Variants in DNAH2 observed in about 807,000 individuals in gnomAD.
DNAH2 encodes the protein dynein axonemal heavy chain 2.
DNAH2 carries 323 observed loss-of-function variants against 523.5 expected under a neutral mutation model. That is an observed-to-expected ratio of 0.62 (90% CI 0.56 to 0.68). DNAH2 has a LOEUF of 0.68. DNAH2 is among the 30% of genes least tolerant of loss of function. The pLI is 0.00. For synonymous variants in DNAH2, 2,093 were observed against 2,177.4 expected (o/e 0.96, Z 1.08); for missense variants, 4,907 against 5,701.5 (o/e 0.86, Z 4.49).
At chr17:7,775,685 CAAAACCAAA>C (rs2076430173) in intron 30 of DNAH2, among the ~76,000 whole-genome samples, 1 of 71,850 alleles carries the variant, frequency 1.4e-5, no homozygotes. Flanking sequence ...AACTCCGTCT[CAAAACCAAA>C]AAAAAAAAAA....
chr17:7,727,936 G>A (rs2074874630), intron 4 of DNAH2, among the ~76,000 whole-genome samples: 1 of 151,960 alleles, frequency 6.6e-6, no homozygotes, highest in Non-Finnish European at 1.5e-5. Flanking sequence ...ATTTGAGCTG[G>A]GATGAAGGGT....
At chr17:7,741,649 C>T (rs994167459) in intron 11 of DNAH2, among the ~76,000 whole-genome samples, 6 of 151,438 alleles carry the variant, frequency 4.0e-5, no homozygotes, top group Admixed American at 1.3e-4. Flanking sequence ...TGAGCCACCG[C>T]GCCCGGCTTC....
chr17:7,827,081 T>C (rs1567765477), intron 77 of DNAH2, among the ~76,000 whole-genome samples: 1 of 152,190 alleles, frequency 6.6e-6, no homozygotes, highest in East Asian at 1.9e-4. Flanking sequence ...ACTTGCTTTT[T>C]TCATTCAACA....
At chr17:7,749,432 G>A (rs567595344) in intron 12 of DNAH2, among the ~76,000 whole-genome samples, 12 of 150,210 alleles carry the variant, frequency 8.0e-5, no homozygotes, top group Non-Finnish European at 1.3e-4. Context: ...TGCCCAAGTA[G>A]GCTTGCTCAG....
intron 10 of DNAH2, 79 bp downstream of exon 10, chr17:7,740,628 C>A: frequency 6.3e-7 from 1 of 1,583,522 alleles, no homozygotes; most frequent in Non-Finnish European, 8.6e-7. Context: ...GCCCTCCTGC[C>A]TCCACGTGTG....
At chr17:7,813,568 T>C (rs1365416748) in intron 63 of DNAH2, among the ~76,000 whole-genome samples, 1 of 152,016 alleles carries the variant, frequency 6.6e-6, no homozygotes, top group African/African-American at 2.4e-5. Context: ...GTAAAAAAAA[T>C]AGTGAAGTAC....
At chr17:7,751,313 A>T in intron 12 of DNAH2, among the ~76,000 whole-genome samples, 1 of 152,098 alleles carries the variant, frequency 6.6e-6, no homozygotes, top group Non-Finnish European at 1.5e-5. Flanking sequence ...GGCTGGTCTC[A>T]AACTCCTGAC....
intron 39 of DNAH2, among the ~76,000 whole-genome samples, chr17:7,782,747 C>G (rs1411098104): frequency 1.3e-5 from 2 of 152,018 alleles, no homozygotes; most frequent in Non-Finnish European, 2.9e-5. Flanking sequence ...AACAGGATCA[C>G]TTTAGGCTAG....
chr17:7,752,331 A>C (rs2075709074), intron 12 of DNAH2, among the ~76,000 whole-genome samples: 1 of 152,144 alleles, frequency 6.6e-6, no homozygotes, highest in South Asian at 2.1e-4. Context: ...TGTACCTAGC[A>C]ACTTTTACAA....
At position 7,824,609 on chromosome 17, in the gene DNAH2, A is replaced by G; in HGVS notation, c.11735A>G (p.Gln3912Arg). 1.2e-6 allele frequency: 2 copies of G among 1,607,632 alleles called. No individual in the cohort carries two copies. The highest frequency in any genetic ancestry group is 1.7e-6 in the Non-Finnish European group (2 of 1,175,510). ...CCTAATCTGGACAAGCTGGTGGAGC[A>G]GCTGCAGGTGGAGGATCCTCATCCA... is the stretch of plus-strand genomic sequence containing the variant. ...WMPNLDKLVE[Q>R]LQVEDPHPSF... Residue 3912 changes from glutamine to arginine, a missense_variant, in exon 77 of 86, where the codon CAG becomes CGG. Around this residue, in one of 3 missense-constraint regions of DNAH2, gnomAD observed 1,851 missense variants for 2,139.4 expected, o/e 0.87. Coordinates refer to ENST00000572933, the MANE Select transcript of DNAH2 (RefSeq NM_020877.5).
At chr17:7,802,214 C>G (rs2077242777) in intron 58 of DNAH2, among the ~76,000 whole-genome samples, 197 bp downstream of exon 58, 1 of 152,222 alleles carries the variant, frequency 6.6e-6, no homozygotes, top group African/African-American at 2.4e-5. Flanking sequence ...CTCAGCCGCT[C>G]TCCACACCCT....
At position 7,821,150 on chromosome 17, in the gene DNAH2, T is replaced by A. The variant is rs2077840901; in HGVS notation, c.11016-93T>A. On this transcript the variant is annotated intron_variant, in intron 72 of 85. Coordinates refer to ENST00000572933, the MANE Select transcript of DNAH2 (RefSeq NM_020877.5). The surrounding 1 kb of genome is among the most constrained non-coding windows in gnomAD (Gnocchi z 5.0). ...TTAGAGGCTGGTGAGGTCCTCTGTG[T>A]GAAGCTGTGTGATAGTAGCATCATA... 5 of 1,521,642 alleles carry A rather than the reference T, an allele frequency of 3.3e-6. No homozygotes were observed. The highest frequency in any genetic ancestry group is 4.4e-6 in the Non-Finnish European group (5 of 1,127,642). 94.3% of individuals were successfully genotyped at this position (1,521,642 alleles called of 1,614,324 possible). A position where few individuals can be genotyped will look rare whatever the true frequency, so the allele number is the denominator to read the frequency against.
In DNAH2 at chr17:7,793,453, TTCTTTCTTTCTTTC is replaced by T. The variant is rs1567708998; in HGVS notation, c.7569+250_7569+263del. 1.9e-3 allele frequency among the ~76,000 whole-genome samples: 226 copies of T among 121,886 alleles called. 1 individual carries two copies. The highest frequency in any genetic ancestry group is 4.3e-3 in the Admixed American group (52 of 11,972). The allele number at this position is 121,886 out of a possible 152,430, so 80.0% of individuals were successfully genotyped here. On this transcript the variant is annotated intron_variant, in intron 48 of 85. Transcript: ENST00000572933. ...TTGCTTTTTCTTTCTTTCTTTTTCT[TTCTTTCTTTCTTTC>T]TTTCTTTCTTTCTTTCTTTCTTTCT...
intron 11 of DNAH2, among the ~76,000 whole-genome samples, chr17:7,742,690 G>A (rs764362947): frequency 2.6e-5 from 4 of 152,158 alleles, no homozygotes; most frequent in Non-Finnish European, 5.9e-5. Flanking sequence ...CAAATTCTCT[G>A]TGCTTCTCTT....
At chr17:7,772,888 T>C (rs994515520) in intron 28 of DNAH2, among the ~76,000 whole-genome samples, 8 of 152,192 alleles carry the variant, frequency 5.3e-5, no homozygotes, top group Non-Finnish European at 1.5e-5. Flanking sequence ...TTCTCCTGCC[T>C]CAGCCTCCCA....
intron 4 of DNAH2, among the ~76,000 whole-genome samples, chr17:7,730,557 A>G (rs1597466334): frequency 6.6e-6 from 1 of 152,370 alleles, no homozygotes; most frequent in Non-Finnish European, 1.5e-5. Context: ...TGTAGGAAAA[A>G]TTAATTCCTT....
chr17:7,815,433 A>C (rs2077632793), intron 63 of DNAH2, among the ~76,000 whole-genome samples: 1 of 152,216 alleles, frequency 6.6e-6, no homozygotes, highest in South Asian at 2.1e-4. Context: ...CCTCATGATG[A>C]AAAGGACGGT....
chr17:7,742,582 C>G (rs78264166), intron 11 of DNAH2, among the ~76,000 whole-genome samples: 8,613 of 152,216 alleles, frequency 0.057, 389 homozygotes, highest in East Asian at 0.14. Flanking sequence ...TGGTGGACTA[C>G]GCCCAGGCTA....
Position 7,797,948 on chromosome 17 carries a change from G to C in DNAH2, c.8230+119G>C. On this transcript the variant is annotated intron_variant, in intron 53 of 85. Coordinates refer to ENST00000572933, the MANE Select transcript of DNAH2 (RefSeq NM_020877.5). ...AGTTCCAGAAGCTGCCTTTCTCCCT[G>C]GCCCCAGATGCCCTGTGGCAGTGTG... 4.9e-6 allele frequency: 7 copies of C among 1,438,188 alleles called. No homozygotes were observed. The South Asian group carries it at 6.9e-5, about 14-fold the overall frequency. 89.1% of individuals were successfully genotyped at this position (1,438,188 alleles called of 1,614,324 possible).
Sources: allele counts gnomAD v4.1 joint callset (sites outside exome capture counted in the v4.1 genomes callset), GRCh38; gene constraint gnomAD v4.1.1; regional missense constraint gnomAD v4.1.1; non-coding constraint Gnocchi (gnomAD v3.1); transcripts MANE v1.5; gene names NCBI Gene and HGNC (gene_info 2026-07-23, HGNC 2026-07-21).